The following BIN1 variants were observed in gnomAD, a reference collection of about 807,000 sequenced individuals.
BIN1 encodes bridging integrator 1.
In BIN1, 53 loss-of-function variants were observed where a neutral mutation model predicts 82.0. The ratio of observed to expected loss-of-function variants is 0.65; its 90% CI spans 0.52 to 0.81. The LOEUF (loss-of-function observed/expected upper bound fraction) is 0.81, where lower values mean the gene tolerates loss of function less well. Among genes scored for constraint, BIN1 ranks in the 40% least tolerant of loss-of-function variants. The pLI is 0.00. For synonymous variants in BIN1, 302 were observed against 328.0 expected, an observed-to-expected ratio of 0.92 and a Z score of 0.86; for missense variants, 642 against 784.4, an observed-to-expected ratio of 0.82 and a Z score of 2.17.
chr2:127,106,862 TCTC>T lies in BIN1; in HGVS notation c.79_81del (p.Glu27del). 1 of 1,607,152 alleles carries T rather than the reference TCTC, an allele frequency of 6.2e-7. No homozygotes were observed. Among genetic ancestry groups the T allele is most frequent in the Non-Finnish European group, 8.5e-7 (1 of 1,177,998 alleles). On this transcript the variant is annotated inframe_deletion, in exon 1 of 19. Transcript: ENST00000316724. ...TGCTGGGGCTCCGGCTCGCTCACCT[TCTC>T]CTGCGCGCGGGTGAGCTTCTTCTGC...
intron 1 of BIN1, among the ~76,000 whole-genome samples, chr2:127,087,455 C>T (rs1177774328): frequency 6.6e-6 from 1 of 152,240 alleles, no homozygotes; most frequent in Admixed American, 6.5e-5. Context: ...GGCCTGCAGC[C>T]AGGGTGGTGC....
intron 1 of BIN1, among the ~76,000 whole-genome samples, chr2:127,079,581 G>C (rs1360724599): frequency 6.6e-6 from 1 of 152,198 alleles, no homozygotes; most frequent in East Asian, 1.9e-4. Flanking sequence ...ACATCACTGT[G>C]AACTGTCCCT....
At chr2:127,053,639 A>ACCCCAAGCCAGGATGCTTCTG (rs1683257928) in intron 13 of BIN1, 194 bp from the exon 14 acceptor site, 1 of 788,878 alleles carries the variant, frequency 1.3e-6, no homozygotes, top group African/African-American at 1.7e-5. Context: ...GAGCTTCAAG[A>ACCCCAAGCCAGGATGCTTCTG]CCCCAAGCCA....
chr2:127,057,592 C>A lies in BIN1; in HGVS notation c.1012G>T (p.Gly338Cys). 1.3e-6 allele frequency: 2 copies of A among 1,528,082 alleles called. No individual in the cohort carries two copies. Among genetic ancestry groups the A allele is most frequent in the South Asian group, 1.2e-5 (1 of 82,072 alleles). The allele number at this position is 1,528,082 out of a possible 1,614,324, so 94.7% of individuals were successfully genotyped here. Residue 338 changes from glycine (G) to cysteine (C), a missense_variant, in exon 12 of 19, where the codon GGC becomes TGC. Transcript: ENST00000316724. The surrounding 1 kb of genome is among the most constrained non-coding windows in gnomAD (Gnocchi z 5.0). ...TTGGGAGGCGGAGGGACTGGTGGGC[C>A]TTTCCGGAGCTGTGGGTCGGCGGCG... ...LPKSPSQLRKGPPVPPPPKHT... is the reference protein window; with the variant it reads ...LPKSPSQLRKCPPVPPPPKHT...
At chr2:127,081,690 C>A in intron 1 of BIN1, 1 of 928,948 alleles carries the variant, frequency 1.1e-6, no homozygotes, top group Non-Finnish European at 1.4e-6. Flanking sequence ...GCCAGCGGCA[C>A]CCCTCGTCCC....
intron 1 of BIN1, among the ~76,000 whole-genome samples, chr2:127,077,176 C>T (rs1246631957): frequency 1.3e-5 from 2 of 152,222 alleles, no homozygotes; most frequent in African/African-American, 2.4e-5. Flanking sequence ...GCAGAGCAGG[C>T]CCTGAACCGG....
At position 127,067,947 on chromosome 2, in the gene BIN1, G is replaced by T. The variant is rs1373882066; in HGVS notation, c.612+216C>A. Among the ~76,000 whole-genome samples the T allele has an allele frequency of 6.6e-6, 1 of 152,136 alleles. No individual in the cohort carries two copies. Among genetic ancestry groups the T allele is most frequent in the Non-Finnish European group, 1.5e-5 (1 of 68,012 alleles). ...GCAGCCACGGAGCGGGCATAGCTAT[G>T]CCCCCACCCAGGTCACACAGAGCCC... is the stretch of plus-strand genomic sequence containing the variant. On this transcript the variant is annotated intron_variant, in intron 7 of 18. Transcript: ENST00000316724. This position sits in a 1 kb window ranked among gnomAD's most constrained non-coding sequence, Gnocchi z 4.7.
Position 127,051,339 on chromosome 2 carries a change from G to A in BIN1, c.1372-96C>T, listed in dbSNP as rs112391733. 144 of 1,262,738 alleles carry A rather than the reference G, an allele frequency of 1.1e-4. 1 individual carries two copies. In the African/African-American group the frequency reaches 1.8e-3, roughly 16 times the overall value. 78.2% of individuals were successfully genotyped at this position (1,262,738 alleles called of 1,614,324 possible). A position where few individuals can be genotyped will look rare whatever the true frequency, so the allele number is the denominator to read the frequency against. On this transcript the variant is annotated intron_variant, in intron 15 of 18. Coordinates refer to ENST00000316724, the MANE Select transcript of BIN1 (RefSeq NM_139343.3). ...AGGAGGGCAGCACCCAAGCGACAGG[G>A]CCGGGGGCATCGCCTGGCTGGCAGC...
At chr2:127,081,745 T>C (rs1687316503) in intron 1 of BIN1, 1 of 1,255,228 alleles carries the variant, frequency 8.0e-7, no homozygotes, top group African/African-American at 1.6e-5. Context: ...CACACACACA[T>C]GGAAGGGGGA....
At chr2:127,058,950 C>G in intron 11 of BIN1, 61 bp downstream of exon 11, 1 of 1,546,500 alleles carries the variant, frequency 6.5e-7, no homozygotes, top group South Asian at 1.2e-5. Context: ...TGGAGGACAA[C>G]AGCAAAGCCG....
chr2:127,104,866 T>C (rs1441241187), intron 1 of BIN1, among the ~76,000 whole-genome samples: 1 of 152,154 alleles, frequency 6.6e-6, no homozygotes, highest in Admixed American at 6.5e-5. Flanking sequence ...ATGCCTGTCA[T>C]GATGGTCATG....
At chr2:127,079,676 C>T (rs1020028670) in intron 1 of BIN1, among the ~76,000 whole-genome samples, 8 of 152,250 alleles carry the variant, frequency 5.3e-5, no homozygotes, top group African/African-American at 1.7e-4. Flanking sequence ...CACACCCTCA[C>T]CCTGAAGGAA....
rs1335811382 is a variant in BIN1 at position 127,059,743 on chromosome 2, C to T, written c.858-588G>A. Among the ~76,000 whole-genome samples, 13 of 152,142 alleles carry T rather than the reference C, an allele frequency of 8.5e-5. No individual in the cohort carries two copies. In the East Asian group the frequency reaches 2.5e-3, roughly 29 times the overall value. ...CAAACTAAGAGAGGCGTCCTCATCA[C>T]AGAGGAGTGGGCAGCTGGCGATGGA... On this transcript the variant is annotated intron_variant, in intron 10 of 18. Coordinates refer to ENST00000316724, the MANE Select transcript of BIN1 (RefSeq NM_139343.3). The surrounding 1 kb of genome is among the most constrained non-coding windows in gnomAD (Gnocchi z 6.7).
At chr2:127,058,021 T>C (rs1051049343) in intron 11 of BIN1, among the ~76,000 whole-genome samples, 18 of 151,774 alleles carry the variant, frequency 1.2e-4, no homozygotes, top group African/African-American at 3.9e-4. Context: ...CCTGCCCACC[T>C]CTCCCTTCCC....
In BIN1 at chr2:127,068,303, T is replaced by C; in HGVS notation, c.520-48A>G. The C allele has an allele frequency of 1.3e-6, 2 of 1,482,544 alleles. No homozygotes were observed. The highest frequency in any genetic ancestry group is 2.3e-5 in the South Asian group (2 of 87,066). The allele number at this position is 1,482,544 out of a possible 1,614,324, so 91.8% of individuals were successfully genotyped here. On this transcript the variant is annotated intron_variant, in intron 6 of 18. Transcript: ENST00000316724. This position sits in a 1 kb window ranked among gnomAD's most constrained non-coding sequence, Gnocchi z 4.9. The stretch of plus-strand genomic sequence containing the variant: ...AAGGAAGGTGGAGAGACCAGGGAGG[T>C]GGGGAGAGAGAAACAGAGACACACA...
chr2:127,051,105 A>G, intron 16 of BIN1, 49 bp downstream of exon 16: 6 of 1,605,968 alleles, frequency 3.7e-6, no homozygotes, highest in Non-Finnish European at 4.3e-6. Flanking sequence ...CCGGACAGGC[A>G]GGCGGGCGGC....
At chr2:127,084,727 A>G (rs1677907032) in intron 1 of BIN1, among the ~76,000 whole-genome samples, 1 of 152,218 alleles carries the variant, frequency 6.6e-6, no homozygotes, top group Non-Finnish European at 1.5e-5. Context: ...GGTGGTGAAC[A>G]AGCATCATCA....
At position 127,053,198 on chromosome 2, in the gene BIN1, G is replaced by A. The variant is rs1033909094; in HGVS notation, c.1263+224C>T. 4.8e-5 allele frequency: 31 copies of A among 645,404 alleles called. No individual in the cohort carries two copies. In the East Asian group the frequency reaches 6.8e-4, roughly 14 times the overall value. 40.0% of individuals were successfully genotyped at this position (645,404 alleles called of 1,614,324 possible). ...GGGGACCCCTGTCTCAAGCTAAACC[G>A]AAGATCCCCTTTTCCAAGGGCCTGC... is the stretch of plus-strand genomic sequence containing the variant. On this transcript the variant is annotated intron_variant, in intron 14 of 18. Coordinates refer to ENST00000316724, the MANE Select transcript of BIN1 (RefSeq NM_139343.3).
chr2:127,068,982 C>T lies in BIN1; in HGVS notation c.461G>A (p.Arg154Gln), dbSNP rs267606681. 5 of 1,614,190 alleles carry T rather than the reference C, an allele frequency of 3.1e-6. No individual in the cohort carries two copies. Among genetic ancestry groups the T allele is most frequent in the South Asian group, 1.1e-5 (1 of 91,088 alleles). ...AGTTTGAAGGGACTCGTAGTGGTGC[C>T]GGGCACTGTCGTAGTCCACCAGCTT... is the stretch of plus-strand genomic sequence containing the variant. ...GRKLVDYDSARHHYESLQTAK... is the reference protein window; with the variant it reads ...GRKLVDYDSAQHHYESLQTAK... Residue 154 changes from arginine (R) to glutamine (Q), a missense_variant, in exon 6 of 19, where the codon CGG (arginine) becomes CAG (glutamine). Arg to Gln is a conservative substitution (Grantham distance 43, BLOSUM62 1). Transcript: ENST00000316724. This position sits in a 1 kb window ranked among gnomAD's most constrained non-coding sequence, Gnocchi z 4.9.
Sources: allele counts gnomAD v4.1 joint callset (sites outside exome capture counted in the v4.1 genomes callset), GRCh38; gene constraint gnomAD v4.1.1; non-coding constraint Gnocchi (gnomAD v3.1); transcripts MANE v1.5; gene names NCBI Gene and HGNC (gene_info 2026-07-23, HGNC 2026-07-21).